The following ABI3BP variants were observed in gnomAD, a reference collection of about 807,000 sequenced individuals.
ABI3BP encodes the protein ABI family member 3 binding protein.
A neutral mutation model predicts 268.6 loss-of-function variants in ABI3BP; 216 were observed. The observed-to-expected ratio is 0.80, with a 90% CI of 0.72 to 0.90. The LOEUF is 0.90. ABI3BP is among the 40% of genes least tolerant of loss of function. The probability of loss-of-function intolerance (pLI) is 0.00; values close to 1 mark genes in which losing one functional copy is unlikely to be tolerated. For missense variants in ABI3BP, 2,090 were observed against 2,182.4 expected, an observed-to-expected ratio of 0.96 and a Z score of 0.84; for synonymous variants, 730 against 730.0, an observed-to-expected ratio of 1.00 and a Z score of 0.00.
At chr3:100,753,960 A>G (rs1453240967) in intron 64 of ABI3BP, 112 bp from the exon 65 acceptor site, 2 of 1,094,776 alleles carry the variant, frequency 1.8e-6, no homozygotes, top group Non-Finnish European at 2.7e-6. Flanking sequence ...TATTTGCAAA[A>G]TGGTACTCTT....
intron 57 of ABI3BP, among the ~76,000 whole-genome samples, chr3:100,787,077 C>G (rs1048247451): frequency 6.6e-6 from 1 of 152,082 alleles, no homozygotes. Flanking sequence ...TGATACAATT[C>G]TATGTTAAGG....
At chr3:100,911,535 A>C (rs1415747945) in intron 2 of ABI3BP, 2 of 557,456 alleles carry the variant, frequency 3.6e-6, no homozygotes, top group Non-Finnish European at 6.5e-6. Flanking sequence ...CTTGTAATGA[A>C]GCATTACATA....
intron 1 of ABI3BP, among the ~76,000 whole-genome samples, chr3:100,940,164 T>C (rs1240914473): frequency 6.6e-6 from 1 of 152,058 alleles, no homozygotes; most frequent in Non-Finnish European, 1.5e-5. Flanking sequence ...AATTATCACA[T>C]GGTCCTGAGG....
At chr3:100,864,188 C>G in intron 11 of ABI3BP, 112 bp from the exon 12 acceptor site, 1 of 718,654 alleles carries the variant, frequency 1.4e-6, no homozygotes, top group Admixed American at 2.1e-5. Context: ...CACAGAGCAG[C>G]CAATACCTTT....
intron 1 of ABI3BP, among the ~76,000 whole-genome samples, chr3:100,953,704 G>A (rs192131905): frequency 2.0e-5 from 3 of 152,250 alleles, no homozygotes; most frequent in Admixed American, 2.0e-4. Flanking sequence ...TTTTGAGGGA[G>A]TGGATATTAT....
At chr3:100,936,091 C>T (rs927047086) in intron 1 of ABI3BP, among the ~76,000 whole-genome samples, 3 of 152,112 alleles carry the variant, frequency 2.0e-5, no homozygotes, top group Non-Finnish European at 4.4e-5. Flanking sequence ...TTTGCCCATT[C>T]AGTATGATAT....
At chr3:100,984,390 T>C in intron 1 of ABI3BP, among the ~76,000 whole-genome samples, 1 of 152,226 alleles carries the variant, frequency 6.6e-6, no homozygotes, top group East Asian at 1.9e-4. Flanking sequence ...TTCTCTAAAA[T>C]TAATTTCTAG....
chr3:100,928,681 G>C (rs943420836), intron 1 of ABI3BP, among the ~76,000 whole-genome samples: 1 of 151,994 alleles, frequency 6.6e-6, no homozygotes, highest in African/African-American at 2.4e-5. Flanking sequence ...GATATGAGTG[G>C]CTTATCCAAA....
chr3:100,895,853 G>T (rs912326355), intron 4 of ABI3BP, among the ~76,000 whole-genome samples: 2 of 152,256 alleles, frequency 1.3e-5, no homozygotes, highest in East Asian at 1.9e-4. Flanking sequence ...TTGTAGTTCT[G>T]GCAGATTTAT....
intron 4 of ABI3BP, among the ~76,000 whole-genome samples, chr3:100,887,743 T>TA (rs1363684629): frequency 6.6e-6 from 1 of 152,070 alleles, no homozygotes; most frequent in African/African-American, 2.4e-5. Flanking sequence ...TTTAAAGCTT[T>TA]AAAAAATCAG....
intron 2 of ABI3BP, among the ~76,000 whole-genome samples, chr3:100,909,427 C>T (rs1431408284): frequency 2.7e-5 from 4 of 150,296 alleles, no homozygotes; most frequent in Non-Finnish European, 5.9e-5. Context: ...TCTGATTAAA[C>T]TAAAGAGCTT....
At chr3:100,878,454 G>A (rs956529827) in intron 6 of ABI3BP, among the ~76,000 whole-genome samples, 3 of 152,150 alleles carry the variant, frequency 2.0e-5, no homozygotes, top group African/African-American at 7.2e-5. Flanking sequence ...AATCTGTTTA[G>A]CTACCACACA....
At chr3:100,840,768 C>T (rs1405561557) in intron 22 of ABI3BP, 52 bp downstream of exon 22, 2 of 1,426,332 alleles carry the variant, frequency 1.4e-6, no homozygotes, top group Non-Finnish European at 1.9e-6. Flanking sequence ...AACACAGATA[C>T]CAGCAGACAG....
intron 1 of ABI3BP, among the ~76,000 whole-genome samples, chr3:100,935,846 G>A (rs2065884259): frequency 6.6e-6 from 1 of 152,176 alleles, no homozygotes; most frequent in African/African-American, 2.4e-5. Context: ...AGACTTTGCT[G>A]AAGTTGCTTA....
intron 67 of ABI3BP, 116 bp downstream of exon 67, chr3:100,751,436 T>TA: frequency 9.2e-7 from 1 of 1,090,830 alleles, no homozygotes; most frequent in Non-Finnish European, 1.2e-6. Context: ...TTTTCCTAGA[T>TA]ATGTGGAGCA....
chr3:100,828,158 A>T (rs2098422264), intron 34 of ABI3BP, among the ~76,000 whole-genome samples: 1 of 152,194 alleles, frequency 6.6e-6, no homozygotes, highest in South Asian at 2.1e-4. Context: ...ATCTCCCTTA[A>T]TAGAGAACTC....
chr3:100,896,270 G>C (rs2047630559), intron 4 of ABI3BP, among the ~76,000 whole-genome samples: 1 of 152,098 alleles, frequency 6.6e-6, no homozygotes, highest in South Asian at 2.1e-4. Flanking sequence ...GAATAGCTTG[G>C]GCCTTAGAGT....
chr3:100,840,372 A>G (rs1296034490), intron 22 of ABI3BP, among the ~76,000 whole-genome samples: 1 of 152,156 alleles, frequency 6.6e-6, no homozygotes, highest in Admixed American at 6.5e-5. Flanking sequence ...TGTCCAAGAG[A>G]TCTGTCTGTT....
intron 54 of ABI3BP, among the ~76,000 whole-genome samples, chr3:100,793,568 A>C (rs967234912): frequency 2.6e-5 from 4 of 152,040 alleles, no homozygotes; most frequent in African/African-American, 9.7e-5. Context: ...GTGGTTTTTG[A>C]AAAGTACTTT....
Sources: gnomAD v4.1 joint callset for allele counts (sites outside exome capture counted in the v4.1 genomes callset) on GRCh38, gnomAD v4.1.1 for gene constraint, MANE v1.5 for transcripts, NCBI Gene and HGNC (gene_info 2026-07-23, HGNC 2026-07-21) for gene names.